Variants in CTCF observed in about 807,000 individuals in gnomAD.
CTCF encodes the protein transcriptional repressor CTCF.
In CTCF, 7 loss-of-function variants were observed where a neutral mutation model predicts 72.3. The observed-to-expected ratio is 0.10, with a 90% CI of 0.06 to 0.18. The LOEUF (loss-of-function observed/expected upper bound fraction) is 0.18, where lower values mean the gene tolerates loss of function less well. Among genes scored for constraint, CTCF ranks in the 10% least tolerant of loss-of-function variants. CTCF has a pLI of 1.00. For synonymous variants in CTCF, 374 were observed against 315.8 expected (o/e 1.18, Z -1.95); for missense variants, 516 against 949.1 (o/e 0.54, Z 6.00).
chr16:67,634,591 C>T (rs1424453801), intron 10 of CTCF, among the ~76,000 whole-genome samples: 5 of 149,506 alleles, frequency 3.3e-5, no homozygotes, highest in Non-Finnish European at 5.9e-5. Context: ...AATCACAGCA[C>T]GCTGCAGCCT....
chr16:67,625,456 T>C (rs1334883247), intron 7 of CTCF, among the ~76,000 whole-genome samples: 2 of 152,222 alleles, frequency 1.3e-5, no homozygotes, highest in Non-Finnish European at 2.9e-5. Context: ...TGCCATGGCC[T>C]CCCAAAGTGC....
At chr16:67,587,864 G>GTTCT (rs2051688740) in intron 2 of CTCF, among the ~76,000 whole-genome samples, 1 of 151,936 alleles carries the variant, frequency 6.6e-6, no homozygotes, top group South Asian at 2.1e-4. Context: ...TTTTTTTGTT[G>GTTCT]TTGTTTGTTT....
intron 2 of CTCF, among the ~76,000 whole-genome samples, chr16:67,590,584 A>G (rs1257760698): frequency 6.6e-6 from 1 of 151,576 alleles, no homozygotes; most frequent in Admixed American, 6.6e-5. Context: ...TGATCTGCCC[A>G]CCTCGGCCTC....
intron 2 of CTCF, among the ~76,000 whole-genome samples, chr16:67,589,700 C>CTTAG (rs1206165577): frequency 9.2e-5 from 14 of 152,196 alleles, no homozygotes; most frequent in Admixed American, 2.0e-4. Context: ...TGATTGAAGA[C>CTTAG]TACCCCTAGT....
chr16:67,590,932 G>A (rs1379027616), intron 2 of CTCF, among the ~76,000 whole-genome samples: 2 of 134,430 alleles, frequency 1.5e-5, no homozygotes, highest in South Asian at 2.4e-4. Context: ...TTGCACTCCA[G>A]CCTGGATGAC....
chr16:67,594,873 A>G (rs1455359148), intron 2 of CTCF, among the ~76,000 whole-genome samples: 1 of 152,214 alleles, frequency 6.6e-6, no homozygotes, highest in Non-Finnish European at 1.5e-5. Context: ...ACATTATGCT[A>G]CAGTTAAAAC....
intron 2 of CTCF, among the ~76,000 whole-genome samples, chr16:67,591,654 T>C (rs759811103): frequency 2.0e-5 from 3 of 152,206 alleles, no homozygotes; most frequent in African/African-American, 7.2e-5. Context: ...TTTTGGCTAG[T>C]GTCCTGCATC....
chr16:67,612,225 T>G, intron 4 of CTCF, 104 bp downstream of exon 4: 1 of 1,044,178 alleles, frequency 9.6e-7, no homozygotes. Flanking sequence ...AAGTTTTTAT[T>G]ATTTCTTATG....
chr16:67,583,758 A>T (rs1021039126), intron 2 of CTCF, among the ~76,000 whole-genome samples: 1 of 151,982 alleles, frequency 6.6e-6, no homozygotes, highest in African/African-American at 2.4e-5. Flanking sequence ...GTATACAGTG[A>T]TTAATCCTTG....
In CTCF at chr16:67,622,333, G is replaced by A. The variant is rs573792009; in HGVS notation, c.1357+742G>A. Among the ~76,000 whole-genome samples the A allele has an allele frequency of 2.0e-5, 3 of 151,614 alleles. No homozygotes were observed. The South Asian group carries it at 6.3e-4, about 32-fold the overall frequency. On this transcript the variant is annotated intron_variant, in intron 7 of 11. Transcript: ENST00000264010. Reference sequence around the variant, plus strand: ...ATCACGCCACCGCACTCCAGCCTGGGTGACAGAGCGCGACTCTGTCTCAAA... The same window carrying A: ...ATCACGCCACCGCACTCCAGCCTGGATGACAGAGCGCGACTCTGTCTCAAA...
intron 5 of CTCF, among the ~76,000 whole-genome samples, chr16:67,618,773 G>A (rs1483607579): frequency 6.6e-6 from 1 of 152,174 alleles, no homozygotes; most frequent in Non-Finnish European, 1.5e-5. Flanking sequence ...TAAAATAACT[G>A]AGGGATAAAC....
chr16:67,624,338 T>A (rs1455731085), intron 7 of CTCF, among the ~76,000 whole-genome samples: 3 of 151,912 alleles, frequency 2.0e-5, no homozygotes, highest in Non-Finnish European at 2.9e-5. Flanking sequence ...GTATAATGAC[T>A]GTTGCTTAAG....
At chr16:67,585,325 C>T (rs556290092) in intron 2 of CTCF, among the ~76,000 whole-genome samples, 1 of 152,340 alleles carries the variant, frequency 6.6e-6, no homozygotes, top group South Asian at 2.1e-4. Flanking sequence ...GCTGGGATTA[C>T]AGGCGTGAGC....
At chr16:67,590,704 C>G (rs1323394637) in intron 2 of CTCF, among the ~76,000 whole-genome samples, 1 of 151,378 alleles carries the variant, frequency 6.6e-6, no homozygotes, top group East Asian at 2.0e-4. Context: ...CACCTGTAAT[C>G]CTAGCACTTT....
intron 2 of CTCF, among the ~76,000 whole-genome samples, chr16:67,604,431 C>T (rs1337812321): frequency 6.6e-6 from 1 of 152,168 alleles, no homozygotes; most frequent in Admixed American, 6.5e-5. Context: ...CAAGCTCCAC[C>T]TCCCAGGTTC....
intron 2 of CTCF, among the ~76,000 whole-genome samples, chr16:67,593,992 T>C (rs1166373131): frequency 6.6e-6 from 1 of 152,184 alleles, no homozygotes; most frequent in Non-Finnish European, 1.5e-5. Flanking sequence ...AGGTGATAAA[T>C]TACTAAACCT....
At chr16:67,576,809 C>T (rs1338720918) in intron 2 of CTCF, among the ~76,000 whole-genome samples, 2 of 151,946 alleles carry the variant, frequency 1.3e-5, no homozygotes, top group Non-Finnish European at 2.9e-5. Context: ...GGATTACAGG[C>T]GTGAGCCACC....
Position 67,589,116 on chromosome 16 carries a change from A to T in CTCF, c.-10+17852A>T, listed in dbSNP as rs1052419671. Among the ~76,000 whole-genome samples the T allele has an allele frequency of 3.3e-5, 5 of 152,136 alleles. No homozygotes were observed. The East Asian group carries it at 9.7e-4, about 30-fold the overall frequency. On this transcript the variant is annotated intron_variant, in intron 2 of 11. Coordinates refer to ENST00000264010, the MANE Select transcript of CTCF (RefSeq NM_006565.4). ...AGACCAGCCGAGGCAACAAAGCAAG[A>T]CCCCACCTCTACAAAATAATAATAA... is the stretch of plus-strand genomic sequence containing the variant.
rs542652453 is a variant in CTCF, at chr16:67,589,976, A to G, written c.-10+18712A>G. Among the ~76,000 whole-genome samples, 6 of 152,210 alleles carry G rather than the reference A, an allele frequency of 3.9e-5. No homozygotes were observed. The East Asian group carries it at 1.2e-3, about 29-fold the overall frequency. Reference sequence around the variant, plus strand: ...ATGGTGGGCATTTGTAGTCCCAGCTACTCAGGAGGCTGAGACAGGAGAATC... The same window carrying G: ...ATGGTGGGCATTTGTAGTCCCAGCTGCTCAGGAGGCTGAGACAGGAGAATC... On this transcript the variant is annotated intron_variant, in intron 2 of 11. Transcript: ENST00000264010.
Sources: gnomAD v4.1 joint callset for allele counts (sites outside exome capture counted in the v4.1 genomes callset) on GRCh38, gnomAD v4.1.1 for gene constraint, MANE v1.5 for transcripts, NCBI Gene and HGNC (gene_info 2026-07-23, HGNC 2026-07-21) for gene names.